Variants in ZPBP observed in about 807,000 individuals in gnomAD.
The protein encoded by ZPBP is zona pellucida-binding protein 1.
A neutral mutation model predicts 44.8 loss-of-function variants in ZPBP; 26 were observed. That is an observed-to-expected ratio of 0.58 (90% CI 0.43 to 0.81). The LOEUF is 0.81. Ranked by LOEUF, ZPBP falls within the 30% of genes least tolerant of loss-of-function variation. The probability of loss-of-function intolerance (pLI) is 0.00; values close to 1 mark genes in which losing one functional copy is unlikely to be tolerated. For synonymous variants in ZPBP, 174 were observed against 153.2 expected (o/e 1.14, Z -1.00); for missense variants, 409 against 434.0 (o/e 0.94, Z 0.51).
At chr7:50,005,984 T>C (rs748340199) in intron 6 of ZPBP, among the ~76,000 whole-genome samples, 6 of 151,300 alleles carry the variant, frequency 4.0e-5, no homozygotes, top group Non-Finnish European at 7.4e-5. Context: ...CCTTGGAAAA[T>C]AGTATTCAAA....
intron 1 of ZPBP, among the ~76,000 whole-genome samples, chr7:50,092,472 G>A (rs1803042719): frequency 6.6e-6 from 1 of 152,074 alleles, no homozygotes; most frequent in Non-Finnish European, 1.5e-5. Flanking sequence ...TTTGGGTCTA[G>A]AATTTTGAGT....
chr7:50,008,237 T>A (rs1798402981), intron 6 of ZPBP, among the ~76,000 whole-genome samples: 1 of 151,836 alleles, frequency 6.6e-6, no homozygotes, highest in Non-Finnish European at 1.5e-5. Context: ...AAAAACAAAC[T>A]ATACCAAAAG....
intron 3 of ZPBP, among the ~76,000 whole-genome samples, chr7:50,080,772 T>C (rs1164374488): frequency 6.6e-6 from 1 of 151,790 alleles, no homozygotes; most frequent in Non-Finnish European, 1.5e-5. Flanking sequence ...GCAAAACTTA[T>C]TAGAATTTCT....
chr7:50,020,143 A>G (rs1799019594), intron 5 of ZPBP, among the ~76,000 whole-genome samples: 1 of 152,062 alleles, frequency 6.6e-6, no homozygotes, highest in African/African-American at 2.4e-5. Context: ...AACCTAAGGT[A>G]CAGCTTTTGA....
At chr7:49,989,123 A>G (rs564895461) in intron 6 of ZPBP, among the ~76,000 whole-genome samples, 72 of 152,278 alleles carry the variant, frequency 4.7e-4, no homozygotes, top group African/African-American at 1.5e-3. Flanking sequence ...TTGCAACAGG[A>G]ATGCAATTGG....
chr7:49,850,812 A>C (rs1790145795), intron 2 of ZPBP, among the ~76,000 whole-genome samples: 2 of 152,218 alleles, frequency 1.3e-5, no homozygotes, highest in Non-Finnish European at 1.5e-5. Context: ...GTATTTACTC[A>C]GCAAGCATGT....
chr7:50,005,134 T>C (rs1798248861), intron 6 of ZPBP, among the ~76,000 whole-genome samples: 1 of 151,430 alleles, frequency 6.6e-6, no homozygotes, highest in Non-Finnish European at 1.5e-5. Flanking sequence ...ATATTTCAAG[T>C]GCTAAAAAAA....
At chr7:49,981,839 GATTATATA>G (rs1796994139) in intron 7 of ZPBP, among the ~76,000 whole-genome samples, 2 of 60,588 alleles carry the variant, frequency 3.3e-5, no homozygotes, top group Non-Finnish European at 5.4e-5. Flanking sequence ...GAATTATATA[GATTATATA>G]ATTATATGAA....
downstream of ZPBP, among the ~76,000 whole-genome samples, chr7:49,936,920 C>T (rs977718945): frequency 1.3e-5 from 2 of 151,896 alleles, no homozygotes; most frequent in Admixed American, 6.6e-5. Flanking sequence ...TAGGCACATA[C>T]AATAATTACT....
intron 2 of ZPBP, among the ~76,000 whole-genome samples, chr7:49,896,016 G>C (rs568448825): frequency 2.0e-5 from 3 of 152,192 alleles, no homozygotes; most frequent in Admixed American, 6.5e-5. Context: ...TGTGCTTCAA[G>C]TCTATAAAAT....
intron 1 of ZPBP, among the ~76,000 whole-genome samples, chr7:49,906,114 G>A (rs555980465): frequency 6.6e-6 from 1 of 152,130 alleles, no homozygotes; most frequent in Non-Finnish European, 1.5e-5. Context: ...TGTCTACGGA[G>A]TAGCCATTCT....
intron 2 of ZPBP, among the ~76,000 whole-genome samples, chr7:49,860,231 C>T (rs1019109700): frequency 9.2e-5 from 14 of 152,158 alleles, no homozygotes; most frequent in South Asian, 2.1e-4. Context: ...TGAAACCCTC[C>T]GCCTGTTAAG....
intron 7 of ZPBP, among the ~76,000 whole-genome samples, chr7:49,959,626 G>A (rs928894115): frequency 4.6e-5 from 7 of 152,214 alleles, no homozygotes; most frequent in Admixed American, 2.6e-4. Context: ...CACACTTGGA[G>A]AATCAACATG....
At chr7:49,904,367 G>A (rs989599078) in intron 1 of ZPBP, among the ~76,000 whole-genome samples, 2 of 152,164 alleles carry the variant, frequency 1.3e-5, no homozygotes, top group Admixed American at 1.3e-4. Context: ...GGCTGCATAG[G>A]ACCTCCTACT....
intron 5 of ZPBP, among the ~76,000 whole-genome samples, chr7:50,023,307 C>T (rs906071485): frequency 1.3e-5 from 2 of 151,980 alleles, no homozygotes; most frequent in African/African-American, 4.8e-5. Flanking sequence ...ATGCTTACCC[C>T]CCATACATGC....
intron 2 of ZPBP, among the ~76,000 whole-genome samples, chr7:49,877,670 G>A (rs538712920): frequency 1.3e-5 from 2 of 148,964 alleles, no homozygotes; most frequent in South Asian, 2.2e-4. Flanking sequence ...GTGGTACCCC[G>A]AGAGTCATGA....
chr7:50,082,101 G>A (rs1802391413), intron 2 of ZPBP, among the ~76,000 whole-genome samples: 1 of 151,822 alleles, frequency 6.6e-6, no homozygotes, highest in Non-Finnish European at 1.5e-5. Flanking sequence ...GTATATATGT[G>A]TATGCATGTA....
intron 5 of ZPBP, among the ~76,000 whole-genome samples, chr7:50,019,048 T>C (rs536240836): frequency 5.9e-5 from 9 of 152,174 alleles, no homozygotes; most frequent in African/African-American, 2.2e-4. Context: ...CTGAGTTCTA[T>C]AGGAGGTCTA....
chr7:49,971,047 A>T (rs1207556942), intron 7 of ZPBP, among the ~76,000 whole-genome samples: 76 of 152,038 alleles, frequency 5.0e-4, no homozygotes, highest in African/African-American at 1.7e-3. Flanking sequence ...CCATATCAAT[A>T]AAAAAATTTG....
Sources: gnomAD v4.1 joint callset for allele counts (sites outside exome capture counted in the v4.1 genomes callset) on GRCh38, gnomAD v4.1.1 for gene constraint, MANE v1.5 for transcripts, NCBI Gene and HGNC (gene_info 2026-07-23, HGNC 2026-07-21) for gene names.